Variants in ALG1L2 observed in about 807,000 individuals in gnomAD.
The protein encoded by ALG1L2 is ALG1 chitobiosyldiphosphodolichol beta-mannosyltransferase like 2.
Under a neutral mutation model 29.0 loss-of-function variants are expected in ALG1L2, and 32 were observed. The ratio of observed to expected loss-of-function variants is 1.10; its 90% CI spans 0.83 to 1.48. The LOEUF is 1.48. Among genes scored for constraint, ALG1L2 ranks in the 40% most tolerant of loss-of-function variants. The pLI is 0.00. For missense variants in ALG1L2, 318 were observed against 274.1 expected, an observed-to-expected ratio of 1.16 and a Z score of -1.13; for synonymous variants, 110 against 109.5, an observed-to-expected ratio of 1.00 and a Z score of -0.03.
intron 1 of ALG1L2, among the ~76,000 whole-genome samples, chr3:130,086,292 G>T (rs535589356): frequency 7.3e-5 from 11 of 150,486 alleles, no homozygotes; most frequent in African/African-American, 2.2e-4. Flanking sequence ...GATAAACAAC[G>T]GGAGTTACCA....
intron 2 of ALG1L2, 33 bp from the exon 3 acceptor site, chr3:130,092,068 G>A (rs778659392): frequency 2.0e-5 from 33 of 1,610,684 alleles, no homozygotes; most frequent in Non-Finnish European, 2.7e-5. Flanking sequence ...CCTGCTCTGT[G>A]GCCTCTCACA....
intron 3 of ALG1L2, among the ~76,000 whole-genome samples, chr3:130,092,894 G>A (rs189610373): frequency 6.6e-6 from 1 of 152,046 alleles, no homozygotes; most frequent in Non-Finnish European, 1.5e-5. Flanking sequence ...GCTAGGTATG[G>A]TGGTGGGCGC....
intron 3 of ALG1L2, among the ~76,000 whole-genome samples, chr3:130,092,776 A>G (rs1257614827): frequency 1.3e-5 from 2 of 152,170 alleles, no homozygotes; most frequent in Non-Finnish European, 1.5e-5. Flanking sequence ...CACACCTGTA[A>G]TCCTAGAACT....
At chr3:130,087,443 A>G (rs1450232132) in intron 1 of ALG1L2, among the ~76,000 whole-genome samples, 2 of 150,226 alleles carry the variant, frequency 1.3e-5, no homozygotes, top group Non-Finnish European at 3.0e-5. Flanking sequence ...ATGATCTGGG[A>G]TGATCGTTTG....
chr3:130,094,655 G>A (rs1935092983), intron 5 of ALG1L2, 142 bp downstream of exon 5: 5 of 1,006,930 alleles, frequency 5.0e-6, no homozygotes, highest in Non-Finnish European at 5.7e-6. Flanking sequence ...ACTCCCGGGA[G>A]AAGGCTACTT....
chr3:130,097,941 G>C (rs1935178547), intron 7 of ALG1L2, among the ~76,000 whole-genome samples: 1 of 152,252 alleles, frequency 6.6e-6, no homozygotes, highest in Non-Finnish European at 1.5e-5. Context: ...GGACTGTGTT[G>C]GCCAGAGGCC....
In ALG1L2 at chr3:130,092,124, C is replaced by T; in HGVS notation, c.155C>T (p.Thr52Ile). The T allele has an allele frequency of 1.2e-6, 2 of 1,613,676 alleles. No individual in the cohort carries two copies. The highest frequency in any genetic ancestry group is 1.1e-5 in the South Asian group (1 of 91,046). The change falls in exon 3 of 8, where the codon ACA becomes ATA. Residue 52 changes from threonine to isoleucine, a missense_variant. By Grantham distance (89) the Thr-to-Ile change is moderately conservative. Transcript: ENST00000425059. ...AGCTCAGAACCTGAGGACCCAGACA[C>T]AGAGCGGTCGGCCTTCACGGAGCGG... ...RARSEPEDPD[T>I]ERSAFTERDS... is the part of the protein sequence containing the mutation.
intron 1 of ALG1L2, among the ~76,000 whole-genome samples, chr3:130,084,647 A>G (rs796811802): frequency 0.045 from 3,212 of 71,490 alleles, 39 homozygotes; most frequent in Middle Eastern, 0.098. Flanking sequence ...CTATAAAAAG[A>G]TACCACAAGC....
chr3:130,091,631 T>C (rs1935016268), intron 2 of ALG1L2: 2 of 576,872 alleles, frequency 3.5e-6, no homozygotes, highest in Non-Finnish European at 6.2e-6. Flanking sequence ...GCCTGAAGTA[T>C]TTACTCTCTG....
At chr3:130,082,488 C>T (rs1407625338) in intron 1 of ALG1L2, among the ~76,000 whole-genome samples, 1 of 132,826 alleles carries the variant, frequency 7.5e-6, no homozygotes, top group East Asian at 2.1e-4. Context: ...CAGCCACCTG[C>T]CACCACGCCT....
chr3:130,082,957 C>A (rs1184514952), intron 1 of ALG1L2, among the ~76,000 whole-genome samples: 1 of 137,046 alleles, frequency 7.3e-6, no homozygotes, highest in African/African-American at 2.5e-5. Flanking sequence ...CAGGAACAAA[C>A]AAGGAACCCT....
In ALG1L2 at chr3:130,096,156, T is replaced by C. The variant is rs753340365; in HGVS notation, c.532T>C (p.Phe178Leu). 6.2e-7 allele frequency: 1 copy of C among 1,611,940 alleles called. No homozygotes were observed. The highest frequency in any genetic ancestry group is 1.1e-5 in the South Asian group (1 of 90,968). The change falls in exon 6 of 8, where the codon TTC (phenylalanine) becomes CTC (leucine). Residue 178 changes from phenylalanine (F) to leucine (L), a missense_variant. Phe to Leu is a conservative substitution (Grantham distance 22). Coordinates refer to ENST00000425059, the MANE Select transcript of ALG1L2 (RefSeq NM_001136152.1). ...RCCLPACAVN[F>L]KCLHELVKHE... Reference sequence around the variant, plus strand: ...CTGTTTGCCTGCGTGTGCCGTGAACTTCAAGTGGTAGGAGCAGAACCCGAA... The same window carrying C: ...CTGTTTGCCTGCGTGTGCCGTGAACCTCAAGTGGTAGGAGCAGAACCCGAA...
intron 4 of ALG1L2, among the ~76,000 whole-genome samples, 185 bp downstream of exon 4, chr3:130,093,345 G>A (rs1282473068): frequency 6.6e-6 from 1 of 152,076 alleles, no homozygotes; most frequent in South Asian, 2.1e-4. Context: ...AGCAGGGCAG[G>A]GAGCCCAGAT....
intron 1 of ALG1L2, among the ~76,000 whole-genome samples, chr3:130,084,417 G>A (rs1485049165): frequency 3.4e-5 from 5 of 148,296 alleles, no homozygotes; most frequent in African/African-American, 1.2e-4. Context: ...GTGACAGCCA[G>A]AAGCAGGCAT....
intron 6 of ALG1L2, among the ~76,000 whole-genome samples, chr3:130,096,821 T>G (rs1935147202): frequency 6.6e-6 from 1 of 152,174 alleles, no homozygotes. Context: ...AGAAAAGTCA[T>G]CTTTTATGTG....
At chr3:130,085,659 G>T (rs77007528) in intron 1 of ALG1L2, among the ~76,000 whole-genome samples, 1 of 151,302 alleles carries the variant, frequency 6.6e-6, no homozygotes, top group African/African-American at 2.4e-5. Flanking sequence ...GGTACTGGGG[G>T]TCAGGACTCC....
chr3:130,092,588 C>T (rs1352680812), intron 3 of ALG1L2, among the ~76,000 whole-genome samples: 1 of 152,084 alleles, frequency 6.6e-6, no homozygotes, highest in Non-Finnish European at 1.5e-5. Flanking sequence ...GGTGGGCCGC[C>T]CTGAATCCCC....
chr3:130,087,197 T>C (rs1447185976), intron 1 of ALG1L2, among the ~76,000 whole-genome samples: 1 of 150,202 alleles, frequency 6.7e-6, no homozygotes, highest in Non-Finnish European at 1.5e-5. Context: ...ACCATCAACA[T>C]GTCCCTCCTG....
Position 130,093,165 on chromosome 3 carries a change from T to C in ALG1L2, c.313+5T>C, listed in dbSNP as rs1205058688. ...CTCTCGTCTGTGTGATAACAGGTACTGCCTGGGACCCTGGGTGTCTGTTTG... is the reference window on the plus strand; with the variant it reads ...CTCTCGTCTGTGTGATAACAGGTACCGCCTGGGACCCTGGGTGTCTGTTTG... On this transcript the variant is annotated splice_donor_5th_base_variant and intron_variant, in intron 4 of 7. Coordinates refer to ENST00000425059, the MANE Select transcript of ALG1L2 (RefSeq NM_001136152.1). 4.3e-6 allele frequency: 7 copies of C among 1,610,188 alleles called. No homozygotes were observed. The highest frequency in any genetic ancestry group is 2.2e-5 in the South Asian group (2 of 90,964).
Sources: gnomAD v4.1 joint callset for allele counts (sites outside exome capture counted in the v4.1 genomes callset) on GRCh38, gnomAD v4.1.1 for gene constraint, MANE v1.5 for transcripts, NCBI Gene and HGNC (gene_info 2026-07-23, HGNC 2026-07-21) for gene names.